NPAS3: variants seen among roughly 807,000 people sequenced by gnomAD.
NPAS3 encodes the protein neuronal PAS domain protein 3, also known as neuronal PAS domain-containing protein 3.
Under a neutral mutation model 73.1 loss-of-function variants are expected in NPAS3, and 14 were observed. The ratio of observed to expected loss-of-function variants is 0.19; its 90% CI spans 0.13 to 0.30. The LOEUF is 0.30. Ranked by LOEUF, NPAS3 falls within the 10% of genes least tolerant of loss-of-function variation. The pLI is 1.00. For missense variants in NPAS3, 1,096 were observed against 1,250.0 expected, an observed-to-expected ratio of 0.88 and a Z score of 1.86; for synonymous variants, 620 against 541.5, an observed-to-expected ratio of 1.14 and a Z score of -2.01.
At chr14:33,110,811 G>A (rs1378570555) in intron 2 of NPAS3, among the ~76,000 whole-genome samples, 1 of 152,122 alleles carries the variant, frequency 6.6e-6, no homozygotes, top group Non-Finnish European at 1.5e-5. Context: ...AGTTGAACCC[G>A]GAGAGTTTAA....
At chr14:32,978,111 G>GT (rs1555313972) in intron 1 of NPAS3, among the ~76,000 whole-genome samples, 4,917 of 141,952 alleles carry the variant, frequency 0.035, 139 homozygotes, top group South Asian at 0.084. Context: ...AAGTGAAGAT[G>GT]TGGGGGGGTG....
chr14:33,443,447 C>G (rs767092965), intron 4 of NPAS3, among the ~76,000 whole-genome samples: 5 of 152,174 alleles, frequency 3.3e-5, no homozygotes, highest in Non-Finnish European at 5.9e-5. Context: ...CTGGTAACTA[C>G]TGTCCCCAGC....
At chr14:33,336,272 T>A (rs1488602075) in intron 3 of NPAS3, among the ~76,000 whole-genome samples, 2 of 152,240 alleles carry the variant, frequency 1.3e-5, no homozygotes, top group Admixed American at 1.3e-4. Flanking sequence ...AACTAGGGTC[T>A]CTGTACAGGG....
chr14:33,152,940 T>G (rs2044508449), intron 2 of NPAS3, among the ~76,000 whole-genome samples: 1 of 152,180 alleles, frequency 6.6e-6, no homozygotes, highest in Admixed American at 6.5e-5. Flanking sequence ...GATATTGGAA[T>G]TTTTTGATGA....
chr14:33,529,915 G>A (rs1438932148), intron 4 of NPAS3, among the ~76,000 whole-genome samples: 1 of 152,102 alleles, frequency 6.6e-6, no homozygotes, highest in African/African-American at 2.4e-5. Context: ...TAATATGAAA[G>A]TTGCAACTCA....
At chr14:32,962,941 CTGGGTTCAAG>C (rs1171129467) in intron 1 of NPAS3, among the ~76,000 whole-genome samples, 3 of 149,602 alleles carry the variant, frequency 2.0e-5, no homozygotes, top group Non-Finnish European at 4.4e-5. Flanking sequence ...CCTTGGTCTC[CTGGGTTCAAG>C]TGATCCTTTT....
chr14:33,798,272 T>C (rs1048969013), intron 11 of NPAS3, among the ~76,000 whole-genome samples: 1 of 152,208 alleles, frequency 6.6e-6, no homozygotes, highest in African/African-American at 2.4e-5. Context: ...CCTGAGTAGT[T>C]CTTTGGGACA....
intron 5 of NPAS3, among the ~76,000 whole-genome samples, chr14:33,576,091 C>T (rs965848018): frequency 6.6e-6 from 1 of 152,136 alleles, no homozygotes; most frequent in Admixed American, 6.5e-5. Flanking sequence ...TCTACGCCTG[C>T]TTGCAAAAGT....
intron 2 of NPAS3, among the ~76,000 whole-genome samples, chr14:33,103,297 C>T (rs2042630598): frequency 6.6e-6 from 1 of 152,142 alleles, no homozygotes. Context: ...AGCCCACTGT[C>T]CTCACCCTCT....
chr14:33,455,450 G>C (rs533277602), intron 4 of NPAS3, among the ~76,000 whole-genome samples: 1 of 152,266 alleles, frequency 6.6e-6, no homozygotes, highest in African/African-American at 2.4e-5. Context: ...AGAGTGGAAC[G>C]GGGCAGTTTC....
intron 2 of NPAS3, among the ~76,000 whole-genome samples, chr14:33,162,956 T>C (rs981272784): frequency 6.6e-6 from 1 of 152,198 alleles, no homozygotes; most frequent in Non-Finnish European, 1.5e-5. Flanking sequence ...ACTGGGAATC[T>C]AGAAAAATAC....
At chr14:33,542,602 C>A (rs2054572598) in intron 4 of NPAS3, among the ~76,000 whole-genome samples, 1 of 152,122 alleles carries the variant, frequency 6.6e-6, no homozygotes, top group African/African-American at 2.4e-5. Context: ...ATCCCCAGAA[C>A]TGAATTTACT....
At chr14:33,494,558 G>C (rs148443639) in intron 4 of NPAS3, among the ~76,000 whole-genome samples, 1 of 152,036 alleles carries the variant, frequency 6.6e-6, no homozygotes, top group Non-Finnish European at 1.5e-5. Context: ...TTTCAGCTGG[G>C]GAAATGTCAG....
At chr14:33,366,731 A>G (rs532250300) in intron 3 of NPAS3, among the ~76,000 whole-genome samples, 1 of 152,340 alleles carries the variant, frequency 6.6e-6, no homozygotes, top group East Asian at 1.9e-4. Flanking sequence ...ATTAGAAAAT[A>G]CAAAAAGTTT....
At chr14:33,294,954 T>G (rs2140125336) in intron 3 of NPAS3, among the ~76,000 whole-genome samples, 1 of 152,310 alleles carries the variant, frequency 6.6e-6, no homozygotes, top group East Asian at 1.9e-4. Context: ...AATGTGATGC[T>G]GTGGTGTTCG....
intron 4 of NPAS3, among the ~76,000 whole-genome samples, chr14:33,459,928 T>A (rs753408321): frequency 1.3e-5 from 2 of 152,214 alleles, no homozygotes; most frequent in African/African-American, 2.4e-5. Flanking sequence ...TAGAGATTAT[T>A]TCTGCCTAGT....
intron 7 of NPAS3, among the ~76,000 whole-genome samples, chr14:33,737,283 G>A (rs998565483): frequency 1.3e-5 from 2 of 152,106 alleles, no homozygotes; most frequent in East Asian, 1.9e-4. Context: ...AAATGAGAAG[G>A]GACCATCATG....
At chr14:33,309,888 G>A (rs757970268) in intron 3 of NPAS3, among the ~76,000 whole-genome samples, 2 of 152,116 alleles carry the variant, frequency 1.3e-5, no homozygotes, top group Non-Finnish European at 2.9e-5. Context: ...TATTTCCCTC[G>A]TGAGAAGTCC....
rs190444151 is a variant in NPAS3 at position 33,523,438 on chromosome 14, C to A, written c.469-36683C>A. On this transcript the variant is annotated intron_variant, in intron 4 of 11. Transcript: ENST00000356141. ...CTGCGCTCCAGCCTGGGCAACAGAG[C>A]GAGACTCTGTCTCAAAAAAAAAAAA... 3.2e-3 allele frequency among the ~76,000 whole-genome samples: 422 copies of A among 132,726 alleles called. 11 individuals carry two copies. Among genetic ancestry groups the A allele is most frequent in the Non-Finnish European group, 1.1e-3 (72 of 64,918 alleles). The allele number at this position is 132,726 out of a possible 152,430, so 87.1% of individuals were successfully genotyped here. A position where few individuals can be genotyped will look rare whatever the true frequency, so the allele number is the denominator to read the frequency against.
Sources: allele counts gnomAD v4.1 joint callset (sites outside exome capture counted in the v4.1 genomes callset), GRCh38; gene constraint gnomAD v4.1.1; transcripts MANE v1.5; gene names NCBI Gene and HGNC (gene_info 2026-07-23, HGNC 2026-07-21).